GABRB1: variants seen among roughly 807,000 people sequenced by gnomAD.
GABRB1 encodes gamma-aminobutyric acid type A receptor subunit beta1.
In GABRB1, 17 loss-of-function variants were observed where a neutral mutation model predicts 51.6. That is an observed-to-expected ratio of 0.33 (90% CI 0.23 to 0.49). The LOEUF is 0.49. Among genes scored for constraint, GABRB1 ranks in the 20% least tolerant of loss-of-function variants. GABRB1 has a pLI of 0.99. For synonymous variants in GABRB1, 247 were observed against 218.9 expected, an observed-to-expected ratio of 1.13 and a Z score of -1.14; for missense variants, 410 against 600.6, an observed-to-expected ratio of 0.68 and a Z score of 3.32.
chr4:47,311,899 G>T (rs1724701936), intron 4 of GABRB1, among the ~76,000 whole-genome samples: 1 of 152,118 alleles, frequency 6.6e-6, no homozygotes, highest in Non-Finnish European at 1.5e-5. Flanking sequence ...GATTGCTGAG[G>T]CTTTCCAAAG....
At chr4:47,115,353 T>C (rs1470694322) in intron 3 of GABRB1, among the ~76,000 whole-genome samples, 3 of 152,166 alleles carry the variant, frequency 2.0e-5, no homozygotes, top group African/African-American at 7.2e-5. Flanking sequence ...ATAATATTTG[T>C]CTGATATTTT....
At chr4:47,012,654 T>C (rs1724616823) in intron 1 of GABRB1, among the ~76,000 whole-genome samples, 1 of 152,238 alleles carries the variant, frequency 6.6e-6, no homozygotes, top group Admixed American at 6.5e-5. Context: ...TCCAATGTTG[T>C]TTATTCGTAT....
intron 1 of GABRB1, among the ~76,000 whole-genome samples, chr4:47,001,752 C>A (rs1266506367): frequency 1.3e-5 from 2 of 152,184 alleles, no homozygotes; most frequent in African/African-American, 4.8e-5. Flanking sequence ...ATAGAATAAT[C>A]TATACTCTAT....
chr4:47,136,730 CT>C (rs560523032), intron 3 of GABRB1, among the ~76,000 whole-genome samples: 12 of 152,122 alleles, frequency 7.9e-5, no homozygotes, highest in African/African-American at 2.9e-4. Flanking sequence ...AAATTGTGGT[CT>C]CTGGGTTTCC....
At chr4:47,332,865 T>A (rs1203610174) in intron 5 of GABRB1, among the ~76,000 whole-genome samples, 1 of 151,892 alleles carries the variant, frequency 6.6e-6, no homozygotes, top group Non-Finnish European at 1.5e-5. Context: ...AAGGAAGAAA[T>A]CACTGAAATG....
chr4:47,306,201 C>T (rs192560969), intron 4 of GABRB1, among the ~76,000 whole-genome samples: 2 of 146,600 alleles, frequency 1.4e-5, no homozygotes, highest in African/African-American at 2.5e-5. Context: ...GCACATTCTG[C>T]ACATGTATCC....
At chr4:47,365,365 C>T (rs560240145) in intron 5 of GABRB1, among the ~76,000 whole-genome samples, 1 of 152,242 alleles carries the variant, frequency 6.6e-6, no homozygotes, top group East Asian at 1.9e-4. Flanking sequence ...ATCACTCATT[C>T]ATTTATTAGT....
intron 5 of GABRB1, among the ~76,000 whole-genome samples, chr4:47,353,226 A>G (rs935947476): frequency 1.3e-5 from 2 of 152,204 alleles, no homozygotes; most frequent in African/African-American, 4.8e-5. Flanking sequence ...GTAAAATTCA[A>G]GATGAGATTT....
chr4:47,163,921 A>G (rs922833654), intron 4 of GABRB1, among the ~76,000 whole-genome samples: 33 of 152,186 alleles, frequency 2.2e-4, no homozygotes, highest in African/African-American at 7.9e-4. Flanking sequence ...ATTTACAAAC[A>G]AGAGAGGTTT....
intron 4 of GABRB1, among the ~76,000 whole-genome samples, chr4:47,227,666 C>G (rs1157050995): frequency 6.6e-6 from 1 of 152,050 alleles, no homozygotes; most frequent in Non-Finnish European, 1.5e-5. Context: ...CCCATGGAGA[C>G]CAATAGTTAC....
intron 4 of GABRB1, among the ~76,000 whole-genome samples, chr4:47,258,952 C>T (rs1042895542): frequency 4.6e-5 from 7 of 152,212 alleles, no homozygotes; most frequent in African/African-American, 1.7e-4. Context: ...TCTCATATCC[C>T]TACCCAAATT....
chr4:47,065,216 C>T (rs552078057), intron 3 of GABRB1, among the ~76,000 whole-genome samples: 54 of 152,354 alleles, frequency 3.5e-4, no homozygotes, highest in African/African-American at 1.3e-3. Context: ...TTAAAACCCA[C>T]ACACCAGTGT....
At position 47,392,102 on chromosome 4, in the gene GABRB1, C is replaced by A. The variant is rs1447897046; in HGVS notation, c.545-11216C>A. ...GATTGGAAGGGCTAAAAAAAAAAAACGCAGAAAGGAGAAGGAGAAGAGTGC... is the reference window on the plus strand; with the variant it reads ...GATTGGAAGGGCTAAAAAAAAAAAAAGCAGAAAGGAGAAGGAGAAGAGTGC... On this transcript the variant is annotated intron_variant, in intron 5 of 8. Coordinates refer to ENST00000295454, the MANE Select transcript of GABRB1 (RefSeq NM_000812.4). Among the ~76,000 whole-genome samples, 5 of 146,850 alleles carry A rather than the reference C, an allele frequency of 3.4e-5. No individual in the cohort carries two copies. The South Asian group carries it at 6.4e-4, about 19-fold the overall frequency.
intron 1 of GABRB1, among the ~76,000 whole-genome samples, chr4:47,015,852 C>G (rs932164944): frequency 6.6e-6 from 1 of 152,150 alleles, no homozygotes; most frequent in African/African-American, 2.4e-5. Context: ...GATCCTACAG[C>G]ATACCAGGAT....
intron 4 of GABRB1, among the ~76,000 whole-genome samples, chr4:47,167,209 CAA>C (rs1050136814): frequency 6.6e-6 from 1 of 152,020 alleles, no homozygotes; most frequent in Non-Finnish European, 1.5e-5. Context: ...GGCTTGTAAC[CAA>C]AGAGCAATTA....
intron 4 of GABRB1, among the ~76,000 whole-genome samples, chr4:47,278,835 C>G (rs1177776128): frequency 6.6e-6 from 1 of 152,146 alleles, no homozygotes; most frequent in African/African-American, 2.4e-5. Flanking sequence ...ACCAGTTGCC[C>G]TGTTTCTATG....
At chr4:47,099,234 A>G (rs1453838843) in intron 3 of GABRB1, among the ~76,000 whole-genome samples, 1 of 152,164 alleles carries the variant, frequency 6.6e-6, no homozygotes, top group Non-Finnish European at 1.5e-5. Flanking sequence ...AAGACGGCAA[A>G]GAGTCACTGT....
chr4:47,181,971 G>A (rs1661496304), intron 4 of GABRB1, among the ~76,000 whole-genome samples: 1 of 152,002 alleles, frequency 6.6e-6, no homozygotes, highest in Non-Finnish European at 1.5e-5. Context: ...TGTTTGGATG[G>A]CCAATGTTCT....
chr4:47,168,431 GC>G (rs1455550014), intron 4 of GABRB1, among the ~76,000 whole-genome samples: 1 of 151,796 alleles, frequency 6.6e-6, no homozygotes, highest in South Asian at 2.1e-4. Flanking sequence ...TCCCTTTTTA[GC>G]CCCCCTTGTA....
Sources: allele counts gnomAD v4.1 joint callset (sites outside exome capture counted in the v4.1 genomes callset), GRCh38; gene constraint gnomAD v4.1.1; transcripts MANE v1.5; gene names NCBI Gene and HGNC (gene_info 2026-07-23, HGNC 2026-07-21).